Variants in ADARB1 observed in about 807,000 individuals in gnomAD.
ADARB1 encodes adenosine deaminase RNA specific B1.
ADARB1 carries 10 observed loss-of-function variants against 52.4 expected under a neutral mutation model. The observed-to-expected ratio is 0.19, with a 90% CI of 0.12 to 0.32. The LOEUF (loss-of-function observed/expected upper bound fraction) is 0.32, where lower values mean the gene tolerates loss of function less well. ADARB1 is among the 10% of genes least tolerant of loss of function. The pLI, the probability that ADARB1 is intolerant of heterozygous loss-of-function variation, is 1.00. For missense variants in ADARB1, 643 were observed against 922.3 expected (o/e 0.70, Z 3.92); for synonymous variants, 349 against 371.1 (o/e 0.94, Z 0.68).
rs1228980996 is a variant in ADARB1, at chr21:45,224,185, T to G, written c.*1988T>G. 8 of 985,362 alleles carry G rather than the reference T, an allele frequency of 8.1e-6. No individual in the cohort carries two copies. The highest frequency in any genetic ancestry group is 1.7e-5 in the African/African-American group (1 of 57,258). 61.0% of individuals were successfully genotyped at this position (985,362 alleles called of 1,614,324 possible). A position where few individuals can be genotyped will look rare whatever the true frequency, so the allele number is the denominator to read the frequency against. On this transcript the variant is annotated 3_prime_UTR_variant, in exon 11 of 11. Transcript: ENST00000348831. ...GGGGATTGGGAGATGGACTTCGTTT[T>G]TAAAAATATGTGGATTTTGGTTACC...
rs1012924850 is a variant in ADARB1, at chr21:45,172,735, G to A, written c.28+1051G>A. Reference sequence around the variant, plus strand: ...TCAGCCATCTGGGGTGTGAGGGTGAGACCACCTCCTGCAGTGCTACCCAGG... The same window carrying A: ...TCAGCCATCTGGGGTGTGAGGGTGAAACCACCTCCTGCAGTGCTACCCAGG... On this transcript the variant is annotated intron_variant, in intron 3 of 10. Transcript: ENST00000348831. This position sits in a 1 kb window ranked among gnomAD's most constrained non-coding sequence, Gnocchi z 4.4. 4.6e-5 allele frequency among the ~76,000 whole-genome samples: 7 copies of A among 152,166 alleles called. No homozygotes were observed. The highest frequency in any genetic ancestry group is 1.4e-4 in the African/African-American group (6 of 41,414).
intron 2 of ADARB1, chr21:45,146,116 ATGGTTT>A (rs2089993494): frequency 8.2e-6 from 1 of 121,828 alleles, no homozygotes. Flanking sequence ...TGGTGGGGTT[ATGGTTT>A]CGGACTTACC....
At chr21:45,161,337 T>A (rs1601685197) in intron 2 of ADARB1, among the ~76,000 whole-genome samples, 1 of 152,200 alleles carries the variant, frequency 6.6e-6, no homozygotes, top group Non-Finnish European at 1.5e-5. Flanking sequence ...GAAGCCCCCC[T>A]GCCCCGACAG....
chr21:45,160,630 A>C (rs909309090), intron 2 of ADARB1, among the ~76,000 whole-genome samples: 1 of 152,260 alleles, frequency 6.6e-6, no homozygotes, highest in African/African-American at 2.4e-5. Flanking sequence ...TGTGTCTGGA[A>C]TTCTTACTAA....
At chr21:45,137,657 G>C (rs543672857) in intron 2 of ADARB1, among the ~76,000 whole-genome samples, 4 of 152,226 alleles carry the variant, frequency 2.6e-5, no homozygotes, top group Non-Finnish European at 5.9e-5. Context: ...GGCTCTGAGG[G>C]TTCAGATACA....
chr21:45,222,265 T>A lies in ADARB1; in HGVS notation c.*68T>A. The A allele has an allele frequency of 1.4e-6, 2 of 1,476,288 alleles. No homozygotes were observed. Among genetic ancestry groups the A allele is most frequent in the Non-Finnish European group, 1.8e-6 (2 of 1,118,876 alleles). 91.4% of individuals were successfully genotyped at this position (1,476,288 alleles called of 1,614,324 possible). On this transcript the variant is annotated 3_prime_UTR_variant, in exon 11 of 11. Coordinates refer to ENST00000348831, the MANE Select transcript of ADARB1 (RefSeq NM_001112.4). ...CAGCGTCATCCTCCAGAACCTCACA[T>A]CTGAACTGGGGGCAGGTGCATACCT...
chr21:45,150,156 G>T (rs142823608), intron 2 of ADARB1, among the ~76,000 whole-genome samples: 1 of 152,144 alleles, frequency 6.6e-6, no homozygotes, highest in Admixed American at 6.6e-5. Flanking sequence ...ACGTGGTGGC[G>T]CACGCTACTT....
chr21:45,101,309 G>A (rs1464607971), intron 1 of ADARB1, among the ~76,000 whole-genome samples: 1 of 152,184 alleles, frequency 6.6e-6, no homozygotes, highest in African/African-American at 2.4e-5. Flanking sequence ...TGTCCCCGCA[G>A]CCCCGCGCCT....
chr21:45,107,569 A>T (rs1427403165), intron 1 of ADARB1, among the ~76,000 whole-genome samples: 1 of 152,216 alleles, frequency 6.6e-6, no homozygotes. Flanking sequence ...TATGATAAAG[A>T]TAGTATCTCA....
At chr21:45,079,175 A>G (rs991313226) in intron 1 of ADARB1, among the ~76,000 whole-genome samples, 1 of 152,200 alleles carries the variant, frequency 6.6e-6, no homozygotes, top group African/African-American at 2.4e-5. Context: ...CATTTGTAAG[A>G]TGCCATCATT....
At chr21:45,184,553 C>T (rs1258154103) in intron 7 of ADARB1, 3 of 361,450 alleles carry the variant, frequency 8.3e-6, no homozygotes, top group South Asian at 2.1e-5. Context: ...GGCTCTTAAG[C>T]GATCCTTCCA....
At chr21:45,137,423 C>G (rs1029208316) in intron 2 of ADARB1, 4 of 152,450 alleles carry the variant, frequency 2.6e-5, no homozygotes, top group African/African-American at 9.6e-5. Context: ...GGGGATGGGG[C>G]TCTTGGCCAT....
At chr21:45,171,088 A>T (rs2091461589) in intron 2 of ADARB1, among the ~76,000 whole-genome samples, 1 of 152,190 alleles carries the variant, frequency 6.6e-6, no homozygotes, top group African/African-American at 2.4e-5. Flanking sequence ...CCAAAAGTCT[A>T]CCCAGAGTAA....
At chr21:45,124,882 C>T (rs1223387071) in intron 1 of ADARB1, among the ~76,000 whole-genome samples, 2 of 151,982 alleles carry the variant, frequency 1.3e-5, no homozygotes, top group East Asian at 1.9e-4. Context: ...ACTGCAGCCT[C>T]GACCATTCAG....
chr21:45,149,308 A>G lies in ADARB1; in HGVS notation c.-48+20735A>G, dbSNP rs543619729. Among the ~76,000 whole-genome samples the G allele has an allele frequency of 7.6e-4, 116 of 152,358 alleles. 1 individual carries two copies. The highest frequency in any genetic ancestry group is 8.7e-4 in the Non-Finnish European group (59 of 68,038). ...AGAAATCCATCACGGCTGCTGATCC[A>G]TGCATGCTGATGAGTTGCTGGCTGC... is the stretch of plus-strand genomic sequence containing the variant. On this transcript the variant is annotated intron_variant, in intron 2 of 10. Transcript: ENST00000348831.
rs2086913851 is a variant in ADARB1, at chr21:45,099,594, G to A, written c.-220+24801G>A. 2.0e-5 allele frequency among the ~76,000 whole-genome samples: 3 copies of A among 152,078 alleles called. No homozygotes were observed. In the South Asian group the frequency reaches 6.2e-4, roughly 32 times the overall value. ...ATACATGAGAATCACTTGAACCTTG[G>A]GAGGGGACCACTCCAGCCTGGGTGA... On this transcript the variant is annotated intron_variant, in intron 1 of 10. Transcript: ENST00000348831.
chr21:45,184,274 A>G (rs1409209122), intron 7 of ADARB1, among the ~76,000 whole-genome samples: 1 of 152,202 alleles, frequency 6.6e-6, no homozygotes, highest in Non-Finnish European at 1.5e-5. Flanking sequence ...ACACCCAAGT[A>G]TCCATCACCC....
rs1343623640 is a variant in ADARB1 at position 45,128,735 on chromosome 21, T to C, written c.-48+162T>C. Among the ~76,000 whole-genome samples, 2 of 152,260 alleles carry C rather than the reference T, an allele frequency of 1.3e-5. No individual in the cohort carries two copies. Among genetic ancestry groups the C allele is most frequent in the Non-Finnish European group, 2.9e-5 (2 of 68,038 alleles). On this transcript the variant is annotated intron_variant, in intron 2 of 10. Coordinates refer to ENST00000348831, the MANE Select transcript of ADARB1 (RefSeq NM_001112.4). The surrounding 1 kb of genome is among the most constrained non-coding windows in gnomAD (Gnocchi z 4.6). Reference sequence around the variant, plus strand: ...GTTACTGTTGGTTGATTTCTAATCTTACTGCAGCCTTAGCTCACCCATGAG... The same window carrying C: ...GTTACTGTTGGTTGATTTCTAATCTCACTGCAGCCTTAGCTCACCCATGAG...
At chr21:45,127,679 C>T (rs2088675900) in intron 1 of ADARB1, among the ~76,000 whole-genome samples, 1 of 152,140 alleles carries the variant, frequency 6.6e-6, no homozygotes, top group Non-Finnish European at 1.5e-5. Context: ...CACCTCCTTC[C>T]TCCAGGTTCC....
Sources: gnomAD v4.1 joint callset for allele counts (sites outside exome capture counted in the v4.1 genomes callset) on GRCh38, gnomAD v4.1.1 for gene constraint, Gnocchi (gnomAD v3.1) non-coding constraint, MANE v1.5 for transcripts, NCBI Gene and HGNC (gene_info 2026-07-23, HGNC 2026-07-21) for gene names.